Variants in APBB2 observed in about 807,000 individuals in gnomAD.
The protein encoded by APBB2 is amyloid beta precursor protein binding family B member 2.
In APBB2, 38 loss-of-function variants were observed where a neutral mutation model predicts 82.5. The ratio of observed to expected loss-of-function variants is 0.46; its 90% CI spans 0.36 to 0.60. The LOEUF is 0.60. Ranked by LOEUF, APBB2 falls within the 20% of genes least tolerant of loss-of-function variation. The probability of loss-of-function intolerance (pLI) is 0.00; values close to 1 mark genes in which losing one functional copy is unlikely to be tolerated. For synonymous variants in APBB2, 341 were observed against 368.2 expected, an observed-to-expected ratio of 0.93 and a Z score of 0.85; for missense variants, 772 against 972.3, an observed-to-expected ratio of 0.79 and a Z score of 2.74.
At chr4:40,941,367 T>C (rs757104061) in intron 7 of APBB2, among the ~76,000 whole-genome samples, 5 of 152,180 alleles carry the variant, frequency 3.3e-5, no homozygotes, top group Non-Finnish European at 7.3e-5. Context: ...GAAAGGTCAT[T>C]TTCTAGAAGG....
At chr4:41,144,255 T>C (rs984399755) in intron 1 of APBB2, among the ~76,000 whole-genome samples, 2 of 152,150 alleles carry the variant, frequency 1.3e-5, no homozygotes, top group African/African-American at 4.8e-5. Context: ...ATTACATTAA[T>C]CTCTACCTTC....
At chr4:41,102,330 T>C (rs7679772) in intron 2 of APBB2, among the ~76,000 whole-genome samples, 43,832 of 152,050 alleles carry the variant, frequency 0.29, 7,112 homozygotes, top group African/African-American at 0.43. Context: ...TGTTAACTCT[T>C]ATGCCAGGTT....
chr4:40,860,209 G>C (rs1453230085), intron 12 of APBB2, among the ~76,000 whole-genome samples: 2 of 152,140 alleles, frequency 1.3e-5, no homozygotes, highest in East Asian at 3.9e-4. Flanking sequence ...TTGGAATGTT[G>C]TGCCTGACTG....
chr4:41,080,698 CTTTTT>C (rs5857775), intron 3 of APBB2, among the ~76,000 whole-genome samples: 1 of 120,934 alleles, frequency 8.3e-6, no homozygotes, highest in Non-Finnish European at 1.7e-5. Context: ...GTAAATGCTC[CTTTTT>C]TTTTTTTTTT....
intron 6 of APBB2, among the ~76,000 whole-genome samples, chr4:40,994,950 G>GT (rs1261750631): frequency 6.6e-6 from 1 of 151,974 alleles, no homozygotes; most frequent in East Asian, 1.9e-4. Flanking sequence ...GATCAAAAAT[G>GT]TAAGTACCTT....
chr4:40,947,070 C>T (rs1788656042), intron 6 of APBB2, among the ~76,000 whole-genome samples: 1 of 152,236 alleles, frequency 6.6e-6, no homozygotes, highest in African/African-American at 2.4e-5. Context: ...CCAAATTTTG[C>T]AGAAACAACT....
At chr4:41,007,587 CA>C in intron 6 of APBB2, among the ~76,000 whole-genome samples, 1 of 152,282 alleles carries the variant, frequency 6.6e-6, no homozygotes, top group Admixed American at 6.5e-5. Context: ...TTAGTGGCCC[CA>C]ATTCTTCATT....
At position 41,175,646 on chromosome 4, in the gene APBB2, T is replaced by C. The variant is rs1399185927; in HGVS notation, c.-416-32504A>G. 2.6e-5 allele frequency among the ~76,000 whole-genome samples: 4 copies of C among 152,202 alleles called. No individual in the cohort carries two copies. The East Asian group carries it at 7.7e-4, about 29-fold the overall frequency. ...ATATATAAACACATAGTAAATTGTA[T>C]ATAAACACAATATTCAGAGAAATGA... On this transcript the variant is annotated intron_variant, in intron 1 of 17. Transcript: ENST00000508593.
chr4:41,045,761 C>G (rs1182607416), intron 4 of APBB2, among the ~76,000 whole-genome samples: 4 of 152,140 alleles, frequency 2.6e-5, no homozygotes, highest in Non-Finnish European at 5.9e-5. Context: ...TAATGTCTTT[C>G]TCTCGCTCCC....
intron 6 of APBB2, among the ~76,000 whole-genome samples, chr4:40,980,452 C>T (rs1019367647): frequency 2.6e-5 from 4 of 152,170 alleles, no homozygotes; most frequent in Non-Finnish European, 5.9e-5. Flanking sequence ...GAGAGAGCAG[C>T]AGTAGCCAAC....
At chr4:40,819,797 C>T (rs1026834293) in intron 17 of APBB2, among the ~76,000 whole-genome samples, 1 of 152,000 alleles carries the variant, frequency 6.6e-6, no homozygotes, top group Non-Finnish European at 1.5e-5. Flanking sequence ...CAATCCAGCA[C>T]AGTCTCATAC....
chr4:40,955,444 G>A (rs568346628), intron 6 of APBB2, among the ~76,000 whole-genome samples: 1 of 152,346 alleles, frequency 6.6e-6, no homozygotes, highest in African/African-American at 2.4e-5. Context: ...TATGTGATGT[G>A]ATTTGTATTT....
At chr4:40,991,863 G>A (rs900311500) in intron 6 of APBB2, among the ~76,000 whole-genome samples, 2 of 152,072 alleles carry the variant, frequency 1.3e-5, no homozygotes, top group Non-Finnish European at 2.9e-5. Flanking sequence ...GGTGGGCTGA[G>A]GTTTCCTTAA....
intron 1 of APBB2, among the ~76,000 whole-genome samples, chr4:41,149,160 A>G: frequency 6.6e-6 from 1 of 152,120 alleles, no homozygotes; most frequent in South Asian, 2.1e-4. Context: ...ACTCCCCAAC[A>G]CTTTTTTTTC....
chr4:41,176,366 T>C (rs989581962), intron 1 of APBB2, among the ~76,000 whole-genome samples: 3 of 136,154 alleles, frequency 2.2e-5, no homozygotes, highest in African/African-American at 3.3e-5. Context: ...AAAGAATGTA[T>C]TTTTTTTTAG....
chr4:41,056,128 C>T (rs528984937), intron 4 of APBB2, among the ~76,000 whole-genome samples: 95 of 151,934 alleles, frequency 6.3e-4, no homozygotes, highest in Middle Eastern at 6.9e-3. Flanking sequence ...TGCAGTGAGC[C>T]GAGATCGCGG....
intron 12 of APBB2, among the ~76,000 whole-genome samples, chr4:40,883,860 C>T (rs1769438529): frequency 6.6e-6 from 1 of 152,168 alleles, no homozygotes; most frequent in Non-Finnish European, 1.5e-5. Flanking sequence ...ATCTGGGTCC[C>T]CCGTTCTTTT....
intron 2 of APBB2, among the ~76,000 whole-genome samples, chr4:41,116,586 G>A (rs548291757): frequency 2.0e-5 from 3 of 152,182 alleles, no homozygotes; most frequent in African/African-American, 7.2e-5. Flanking sequence ...ACCCAAGATC[G>A]CGTCACTGCT....
intron 6 of APBB2, among the ~76,000 whole-genome samples, chr4:40,978,734 A>T (rs1797776221): frequency 6.6e-6 from 1 of 152,180 alleles, no homozygotes; most frequent in African/African-American, 2.4e-5. Flanking sequence ...TCATCATGAA[A>T]ATTATGAAGA....
Sources: allele counts gnomAD v4.1 joint callset (sites outside exome capture counted in the v4.1 genomes callset), GRCh38; gene constraint gnomAD v4.1.1; transcripts MANE v1.5; gene names NCBI Gene and HGNC (gene_info 2026-07-23, HGNC 2026-07-21).